FAM8A1: variants seen among roughly 807,000 people sequenced by gnomAD.
FAM8A1 encodes family with sequence similarity 8 member A1.
Under a neutral mutation model 38.3 loss-of-function variants are expected in FAM8A1, and 18 were observed. That is an observed-to-expected ratio of 0.47 (90% CI 0.33 to 0.70). The LOEUF (loss-of-function observed/expected upper bound fraction) is 0.70. Among genes scored for constraint, FAM8A1 ranks in the 30% least tolerant of loss-of-function variants. FAM8A1 has a pLI of 0.03. For missense variants in FAM8A1, 559 were observed against 559.6 expected (o/e 1.00, Z 0.01); for synonymous variants, 246 against 234.4 (o/e 1.05, Z -0.45).
At position 17,609,916 on chromosome 6, in the gene FAM8A1, T is replaced by C. The variant is rs1764115167; in HGVS notation, c.*1577T>C. On this transcript the variant is annotated 3_prime_UTR_variant, in exon 5 of 5. Transcript: ENST00000259963. The stretch of plus-strand genomic sequence containing the variant: ...CATTTGATTATAGAAACTTAATGTC[T>C]ATTAATAATTTTAGTACAAAATTTC... 6.6e-6 allele frequency: 1 copy of C among 152,218 alleles called. No individual in the cohort carries two copies. The highest frequency in any genetic ancestry group is 2.1e-4 in the South Asian group (1 of 4,834). 9.4% of individuals were successfully genotyped at this position (152,218 alleles called of 1,614,324 possible).
chr6:17,608,486 T>G lies in FAM8A1; in HGVS notation c.*147T>G. ...GTGACTACTCTGAAAGTATTGATTA[T>G]ACTTGAATGCCAAAGAACTTGTCCA... On this transcript the variant is annotated 3_prime_UTR_variant, in exon 5 of 5. Coordinates refer to ENST00000259963, the MANE Select transcript of FAM8A1 (RefSeq NM_016255.3). The G allele has an allele frequency of 5.0e-6, 4 of 805,394 alleles. No homozygotes were observed. The highest frequency in any genetic ancestry group is 7.0e-6 in the Non-Finnish European group (4 of 568,120). The allele number at this position is 805,394 out of a possible 1,614,324, so 49.9% of individuals were successfully genotyped here.
At chr6:17,606,707 G>A (rs987975800) in intron 4 of FAM8A1, among the ~76,000 whole-genome samples, 4 of 152,042 alleles carry the variant, frequency 2.6e-5, no homozygotes, top group South Asian at 2.1e-4. Flanking sequence ...CTATGCATTC[G>A]TGCATCCTTC....
chr6:17,602,158 G>A (rs1310721016), intron 1 of FAM8A1, among the ~76,000 whole-genome samples: 1 of 152,200 alleles, frequency 6.6e-6, no homozygotes, highest in Non-Finnish European at 1.5e-5. Flanking sequence ...AGCTTCCCTA[G>A]TAGCTGGGAC....
Position 17,605,829 on chromosome 6 carries a change from G to C in FAM8A1, c.958-45G>C, listed in dbSNP as rs750803692. The C allele has an allele frequency of 2.1e-6, 3 of 1,449,582 alleles. No homozygotes were observed. In the African/African-American group the frequency reaches 4.3e-5, roughly 21 times the overall value. 89.8% of individuals were successfully genotyped at this position (1,449,582 alleles called of 1,614,324 possible). A position where few individuals can be genotyped will look rare whatever the true frequency, so the allele number is the denominator to read the frequency against. On this transcript the variant is annotated intron_variant, in intron 3 of 4. Transcript: ENST00000259963. ...GTGGGAAAAGTTTATCTTTAAAATT[G>C]GTATAGTTGAGCCAGTAATTTTTAA...
Position 17,603,459 on chromosome 6 carries a change from C to T in FAM8A1, c.833+749C>T, listed in dbSNP as rs1764012971. ...CAAATTTCAGGGTCCTTGCCAGAAACCTGTTACTGTGATTCCTCCCTGTCC... is the reference window on the plus strand; with the variant it reads ...CAAATTTCAGGGTCCTTGCCAGAAATCTGTTACTGTGATTCCTCCCTGTCC... On this transcript the variant is annotated intron_variant, in intron 2 of 4. Transcript: ENST00000259963. Among the ~76,000 whole-genome samples the T allele has an allele frequency of 2.0e-5, 3 of 152,168 alleles. No individual in the cohort carries two copies. In the South Asian group the frequency reaches 6.2e-4, roughly 32 times the overall value.
chr6:17,603,928 G>C (rs78770416), intron 2 of FAM8A1, among the ~76,000 whole-genome samples: 1 of 151,602 alleles, frequency 6.6e-6, no homozygotes, highest in South Asian at 2.1e-4. Flanking sequence ...GATTACTGTC[G>C]TCTCTTGCTT....
At position 17,607,808 on chromosome 6, in the gene FAM8A1, C is replaced by T. The variant is rs187782521; in HGVS notation, c.1098-387C>T. Among the ~76,000 whole-genome samples, 229 of 152,240 alleles carry T rather than the reference C, an allele frequency of 1.5e-3. No individual in the cohort carries two copies. In the Middle Eastern group the frequency reaches 0.031, roughly 20 times the overall value. The stretch of plus-strand genomic sequence containing the variant: ...AAAGAACACACAGTACTTTAAAATG[C>T]ATGTTTTTTCTATAAGGTAGACAAA... On this transcript the variant is annotated intron_variant, in intron 4 of 4. Transcript: ENST00000259963.
At chr6:17,604,662 G>A (rs569138614) in intron 2 of FAM8A1, among the ~76,000 whole-genome samples, 4 of 152,008 alleles carry the variant, frequency 2.6e-5, no homozygotes, top group Admixed American at 1.3e-4. Flanking sequence ...GACCCTCCAC[G>A]AAAGCAGGGA....
At position 17,609,819 on chromosome 6, in the gene FAM8A1, C is replaced by T. The variant is rs1764112548; in HGVS notation, c.*1480C>T. 1 of 152,110 alleles carries T rather than the reference C, an allele frequency of 6.6e-6. No homozygotes were observed. The highest frequency in any genetic ancestry group is 2.1e-4 in the South Asian group (1 of 4,834). The allele number at this position is 152,110 out of a possible 1,614,324, so 9.4% of individuals were successfully genotyped here. On this transcript the variant is annotated 3_prime_UTR_variant, in exon 5 of 5. Coordinates refer to ENST00000259963, the MANE Select transcript of FAM8A1 (RefSeq NM_016255.3). ...CTTAAATTTAACAGCAAACACAGCACATATCTATTATCACTATATTAATTT... is the reference window on the plus strand; with the variant it reads ...CTTAAATTTAACAGCAAACACAGCATATATCTATTATCACTATATTAATTT...
rs1257495435 is a variant in FAM8A1 at position 17,610,040 on chromosome 6, A to C, written c.*1701A>C. ...TGTACTAAATAAATCATTCAGTTGCACCCATGGGGAAGATTGTGTTACTGC... is the reference window on the plus strand; with the variant it reads ...TGTACTAAATAAATCATTCAGTTGCCCCCATGGGGAAGATTGTGTTACTGC... On this transcript the variant is annotated 3_prime_UTR_variant, in exon 5 of 5. Coordinates refer to ENST00000259963, the MANE Select transcript of FAM8A1 (RefSeq NM_016255.3). 6.6e-6 allele frequency: 1 copy of C among 152,148 alleles called. No individual in the cohort carries two copies. Among genetic ancestry groups the C allele is most frequent in the Non-Finnish European group, 1.5e-5 (1 of 67,992 alleles). The allele number at this position is 152,148 out of a possible 1,614,324, so 9.4% of individuals were successfully genotyped here.
Position 17,600,777 on chromosome 6 carries a change from A to G in FAM8A1, c.368A>G (p.Gln123Arg). ...YSRQVHEWLW[Q>R]SYCGYLTWHS... Reference sequence around the variant, plus strand: ...CGGCAAGTGCACGAGTGGCTGTGGCAGTCCTACTGCGGCTACCTCACCTGG... The same window carrying G: ...CGGCAAGTGCACGAGTGGCTGTGGCGGTCCTACTGCGGCTACCTCACCTGG... Residue 123 changes from glutamine (Q) to arginine (R), a missense_variant, in exon 1 of 5, where the codon CAG (glutamine) becomes CGG (arginine). Physicochemically the swap from Gln to Arg is conservative, Grantham distance 43 (BLOSUM62 1). This residue lies in a region of FAM8A1 where 393 missense variants were observed against 338.9 expected (regional missense o/e 1.16). Coordinates refer to ENST00000259963, the MANE Select transcript of FAM8A1 (RefSeq NM_016255.3). The G allele has an allele frequency of 6.2e-7, 1 of 1,611,158 alleles. No homozygotes were observed. The highest frequency in any genetic ancestry group is 8.5e-7 in the Non-Finnish European group (1 of 1,179,660).
intron 4 of FAM8A1, among the ~76,000 whole-genome samples, chr6:17,607,458 T>C (rs1764070374): frequency 6.6e-6 from 1 of 150,562 alleles, no homozygotes; most frequent in African/African-American, 2.5e-5. Flanking sequence ...TAAGATACTA[T>C]AGGTAGTCTC....
intron 3 of FAM8A1, among the ~76,000 whole-genome samples, chr6:17,605,539 G>A (rs12202784): frequency 0.21 from 32,516 of 151,734 alleles, 4,098 homozygotes; most frequent in Non-Finnish European, 0.27. Flanking sequence ...CAATTTCTTT[G>A]TAATATTTTT....
intron 3 of FAM8A1, among the ~76,000 whole-genome samples, 189 bp downstream of exon 3, chr6:17,605,218 C>T (rs140169182): frequency 0.018 from 2,701 of 152,192 alleles, 41 homozygotes; most frequent in East Asian, 0.09. Context: ...GTAGGTGGGA[C>T]TACAGGTGCA....
intron 4 of FAM8A1, among the ~76,000 whole-genome samples, chr6:17,607,374 A>T (rs940605942): frequency 6.6e-6 from 1 of 152,014 alleles, no homozygotes; most frequent in African/African-American, 2.4e-5. Flanking sequence ...CACTGTTAAT[A>T]ACACTGCATA....
At position 17,608,268 on chromosome 6, in the gene FAM8A1, T is replaced by C; in HGVS notation, c.1171T>C (p.Phe391Leu). The C allele has an allele frequency of 7.4e-6, 12 of 1,613,710 alleles. No individual in the cohort carries two copies. The highest frequency in any genetic ancestry group is 2.2e-5 in the East Asian group (1 of 44,874). Reference protein sequence around the residue: ...FFPAFITLLFFQHNRTAYDIV... With the variant: ...FFPAFITLLFLQHNRTAYDIV... ...CCCTGCTTTCATCACACTGCTGTTT[T>C]TTCAGCATAATCGAACAGCTTATGA... Residue 391 changes from phenylalanine (F) to leucine (L), a missense_variant, in exon 5 of 5, where the codon TTT becomes CTT. Phe to Leu is a conservative substitution (Grantham distance 22, BLOSUM62 0). Transcript: ENST00000259963.
At chr6:17,603,945 T>C (rs1260745525) in intron 2 of FAM8A1, among the ~76,000 whole-genome samples, 2 of 152,092 alleles carry the variant, frequency 1.3e-5, no homozygotes. Context: ...GCTTGGATTA[T>C]AGCAGAAGCC....
chr6:17,602,601 G>A lies in FAM8A1; in HGVS notation c.724G>A (p.Val242Ile). ...ETGRQAGREY[V>I]IPSLAHRFMA... Reference sequence around the variant, plus strand: ...TTTTTAATTTACAGGCAGAGAATATGTTATTCCATCCTTGGCCCACAGATT... The same window carrying A: ...TTTTTAATTTACAGGCAGAGAATATATTATTCCATCCTTGGCCCACAGATT... The change falls in exon 2 of 5, where the codon GTT becomes ATT. Residue 242 changes from valine to isoleucine, a missense_variant. This residue lies in a region of FAM8A1 where 166 missense variants were observed against 220.8 expected (regional missense o/e 0.75). Transcript: ENST00000259963. 1 of 1,603,066 alleles carries A rather than the reference G, an allele frequency of 6.2e-7. No individual in the cohort carries two copies. Among genetic ancestry groups the A allele is most frequent in the Non-Finnish European group, 8.5e-7 (1 of 1,176,960 alleles).
At chr6:17,604,057 C>T (rs1003952701) in intron 2 of FAM8A1, among the ~76,000 whole-genome samples, 2 of 151,890 alleles carry the variant, frequency 1.3e-5, no homozygotes, top group Non-Finnish European at 2.9e-5. Flanking sequence ...ACCTTAAAAC[C>T]CTTCAATGGT....
Sources: gnomAD v4.1 joint callset for allele counts (sites outside exome capture counted in the v4.1 genomes callset) on GRCh38, gnomAD v4.1.1 for gene constraint, gnomAD v4.1.1 regional missense constraint, MANE v1.5 for transcripts, NCBI Gene and HGNC (gene_info 2026-07-23, HGNC 2026-07-21) for gene names.